The following ACADL variants were observed in gnomAD, a reference collection of about 807,000 sequenced individuals.
ACADL encodes acyl-CoA dehydrogenase long chain, also known as long-chain specific acyl-CoA dehydrogenase, mitochondrial.
A neutral mutation model predicts 56.9 loss-of-function variants in ACADL; 60 were observed. The observed-to-expected ratio is 1.05, with a 90% CI of 0.86 to 1.31. The LOEUF (loss-of-function observed/expected upper bound fraction) is 1.31. ACADL is among the 50% of genes most tolerant of loss of function. The pLI is 0.00. For missense variants in ACADL, 484 were observed against 525.5 expected, an observed-to-expected ratio of 0.92 and a Z score of 0.77; for synonymous variants, 158 against 179.7, an observed-to-expected ratio of 0.88 and a Z score of 0.97.
At chr2:210,205,887 A>G in intron 5 of ACADL, 91 bp from the exon 6 acceptor site, 1 of 1,477,028 alleles carries the variant, frequency 6.8e-7, no homozygotes. Context: ...ACAGAAAACT[A>G]AAACAGACAA....
intron 10 of ACADL, among the ~76,000 whole-genome samples, chr2:210,192,227 C>T (rs1688646012): frequency 6.6e-6 from 1 of 151,426 alleles, no homozygotes; most frequent in African/African-American, 2.4e-5. Flanking sequence ...TGGCTCACGC[C>T]TGTAATCCCA....
intron 5 of ACADL, among the ~76,000 whole-genome samples, chr2:210,206,159 C>A (rs1431670698): frequency 1.3e-5 from 2 of 152,022 alleles, no homozygotes; most frequent in South Asian, 4.2e-4. Context: ...AAAATCTGGC[C>A]GGGCCCGGTG....
intron 10 of ACADL, among the ~76,000 whole-genome samples, chr2:210,190,389 GAT>G (rs777865916): frequency 4.0e-5 from 6 of 150,170 alleles, no homozygotes; most frequent in African/African-American, 2.4e-5. Flanking sequence ...AATGCGTTTA[GAT>G]ATATATATAT....
chr2:210,206,300 ACCTATATATAGT>A (rs1013479550), intron 5 of ACADL, among the ~76,000 whole-genome samples: 6 of 152,046 alleles, frequency 3.9e-5, no homozygotes, highest in Admixed American at 1.3e-4. Flanking sequence ...GGTAGTGTGC[ACCTATATATAGT>A]CCAAGCTACT....
intron 10 of ACADL, 142 bp downstream of exon 10, chr2:210,192,662 C>A: frequency 1.5e-6 from 1 of 663,524 alleles, no homozygotes; most frequent in Non-Finnish European, 2.7e-6. Context: ...TTTCCATTTG[C>A]TTGAATACAT....
At chr2:210,220,440 T>A (rs1427603496) in intron 2 of ACADL, among the ~76,000 whole-genome samples, 1 of 152,208 alleles carries the variant, frequency 6.6e-6, no homozygotes, top group East Asian at 1.9e-4. Context: ...ATTTTCAAAT[T>A]TTCTTATTTG....
rs1559631135 is a variant in ACADL, at chr2:210,188,989, A to G, written c.1265T>C (p.Ile422Thr). 5 of 1,613,430 alleles carry G rather than the reference A, an allele frequency of 3.1e-6. No homozygotes were observed. The African/African-American group carries it at 4.0e-5, about 13-fold the overall frequency. Reference sequence around the variant, plus strand: ...CTTGTCAAAGACAATCTCTCTTGCAATCAGCTCCTTCATTATTTCATTTGT... The same window carrying G: ...CTTGTCAAAGACAATCTCTCTTGCAGTCAGCTCCTTCATTATTTCATTTGT... ...GGTNEIMKEL[I>T]AREIVFDK Residue 422 changes from isoleucine to threonine, a missense_variant, in exon 11 of 11, where the codon ATT becomes ACT. Coordinates refer to ENST00000233710, the MANE Select transcript of ACADL (RefSeq NM_001608.4).
chr2:210,225,307 G>A lies in ACADL; in HGVS notation c.-44C>T, dbSNP rs1440457290. 1.3e-6 allele frequency: 2 copies of A among 1,529,238 alleles called. No individual in the cohort carries two copies. The highest frequency in any genetic ancestry group is 1.8e-6 in the Non-Finnish European group (2 of 1,140,848). The allele number at this position is 1,529,238 out of a possible 1,614,324, so 94.7% of individuals were successfully genotyped here. On this transcript the variant is annotated 5_prime_UTR_variant, in exon 1 of 11. Coordinates refer to ENST00000233710, the MANE Select transcript of ACADL (RefSeq NM_001608.4). Reference sequence around the variant, plus strand: ...GCGGGGCGACGGAGGCGACTCTGCGGCTACTCGGCGACTCGGGGCAGGGTC... The same window carrying A: ...GCGGGGCGACGGAGGCGACTCTGCGACTACTCGGCGACTCGGGGCAGGGTC...
chr2:210,214,375 T>TA (rs1206608728), intron 4 of ACADL, among the ~76,000 whole-genome samples: 1 of 151,964 alleles, frequency 6.6e-6, no homozygotes, highest in African/African-American at 2.4e-5. Flanking sequence ...TCTCTGTTCT[T>TA]ATATTCTCTT....
Position 210,192,815 on chromosome 2 carries a change from G to A in ACADL, c.1188C>T (p.Tyr396=), listed in dbSNP as rs1403501335. The A allele has an allele frequency of 1.9e-6, 3 of 1,612,490 alleles. No individual in the cohort carries two copies. The highest frequency in any genetic ancestry group is 2.7e-5 in the African/African-American group (2 of 74,846). The change falls in exon 10 of 11, where the codon TAC becomes TAT. Residue 396 remains tyrosine, a synonymous_variant. Coordinates refer to ENST00000233710, the MANE Select transcript of ACADL (RefSeq NM_001608.4). The part of the protein sequence containing the change: ...LHGGWGYMWE[Y]PIAKAYVDAR... ...AAAACTATACTTACTTTGCAATTGG[G>A]TACTCCCACATGTATCCCCAACCTC...
Position 210,225,253 on chromosome 2 carries a change from C to T in ACADL, c.11G>A (p.Arg4His), listed in dbSNP as rs770012551. The T allele has an allele frequency of 3.8e-5, 59 of 1,557,468 alleles. No individual in the cohort carries two copies. The East Asian group carries it at 1.4e-3, about 36-fold the overall frequency. ...GACGCGTAGGGACCCTCGGAGAAGG[C>T]GTGCGGCCATGTCCGAAACACAGGG... is the stretch of plus-strand genomic sequence containing the variant. Reference protein sequence around the residue: MAARLLRGSLRVLG... With the variant: MAAHLLRGSLRVLG... The change falls in exon 1 of 11, where the codon CGC becomes CAC. Residue 4 changes from arginine to histidine, a missense_variant. Arg to His is a conservative substitution (Grantham distance 29). Coordinates refer to ENST00000233710, the MANE Select transcript of ACADL (RefSeq NM_001608.4).
intron 4 of ACADL, among the ~76,000 whole-genome samples, chr2:210,214,499 GAA>G (rs1357201712): frequency 4.7e-5 from 7 of 150,448 alleles, no homozygotes; most frequent in African/African-American, 1.7e-4. Flanking sequence ...AAGAAAGAAA[GAA>G]AGAAAGAAAA....
chr2:210,198,570 T>C (rs1371095968), intron 8 of ACADL, among the ~76,000 whole-genome samples: 1 of 151,884 alleles, frequency 6.6e-6, no homozygotes, highest in Non-Finnish European at 1.5e-5. Flanking sequence ...GTGAAGGAAA[T>C]AGGAAAAGAA....
In ACADL at chr2:210,188,844, A is replaced by G; in HGVS notation, c.*117T>C. ...ATATTTATATTTTATTTCCTTCTCT[A>G]TAGAGAGAGCAGGTAAAAACATGTT... On this transcript the variant is annotated 3_prime_UTR_variant, in exon 11 of 11. Transcript: ENST00000233710. The G allele has an allele frequency of 1.3e-6, 1 of 764,866 alleles. No homozygotes were observed. Among genetic ancestry groups the G allele is most frequent in the South Asian group, 1.4e-5 (1 of 70,534 alleles). 47.4% of individuals were successfully genotyped at this position (764,866 alleles called of 1,614,324 possible).
chr2:210,221,365 T>G (rs1689173405), intron 1 of ACADL, among the ~76,000 whole-genome samples: 2 of 152,180 alleles, frequency 1.3e-5, no homozygotes, highest in African/African-American at 2.4e-5. Flanking sequence ...TGGAATTATT[T>G]AAGACCTACT....
intron 3 of ACADL, 67 bp from the exon 4 acceptor site, chr2:210,216,578 A>C: frequency 7.0e-7 from 1 of 1,435,644 alleles, no homozygotes; most frequent in Non-Finnish European, 9.6e-7. Flanking sequence ...TTATAACAAC[A>C]ATGTATTAAG....
chr2:210,201,106 G>C (rs141006018), intron 8 of ACADL, among the ~76,000 whole-genome samples: 1 of 152,266 alleles, frequency 6.6e-6, no homozygotes, highest in Non-Finnish European at 1.5e-5. Flanking sequence ...CTGGGAGGAC[G>C]GGGTGGAGCC....
intron 4 of ACADL, among the ~76,000 whole-genome samples, chr2:210,213,169 G>A (rs993441930): frequency 1.3e-5 from 2 of 152,200 alleles, no homozygotes; most frequent in Non-Finnish European, 2.9e-5. Context: ...TATGTATAAA[G>A]TATCGGTAAC....
chr2:210,212,216 T>C (rs1462274354), intron 4 of ACADL, among the ~76,000 whole-genome samples: 2 of 152,100 alleles, frequency 1.3e-5, no homozygotes, highest in Admixed American at 1.3e-4. Context: ...CTAGAGGCTG[T>C]TGTACCTTAC....
Sources: gnomAD v4.1 joint callset for allele counts (sites outside exome capture counted in the v4.1 genomes callset) on GRCh38, gnomAD v4.1.1 for gene constraint, MANE v1.5 for transcripts, NCBI Gene and HGNC (gene_info 2026-07-23, HGNC 2026-07-21) for gene names.